The following TLN1 variants were observed in gnomAD, a reference collection of about 807,000 sequenced individuals.
The protein encoded by TLN1 is talin 1, also known as talin-1.
Under a neutral mutation model 292.3 loss-of-function variants are expected in TLN1, and 56 were observed. The observed-to-expected ratio is 0.19, with a 90% CI of 0.15 to 0.24. The LOEUF (loss-of-function observed/expected upper bound fraction) is 0.24. TLN1 is among the 10% of genes least tolerant of loss of function. The probability of loss-of-function intolerance (pLI) is 1.00; values close to 1 mark genes in which losing one functional copy is unlikely to be tolerated. For missense variants in TLN1, 2,433 were observed against 3,248.2 expected (o/e 0.75, Z 6.10); for synonymous variants, 1,119 against 1,253.7 (o/e 0.89, Z 2.27).
rs368148414 is a variant in TLN1 at position 35,719,278 on chromosome 9, G to A, written c.1692C>T (p.Asp564=). ...CTGCGGTATAGTCTGTCTCAGCAGGGTCCCCTAAGGGGAAAAGGAGAAAGA... is the reference window on the plus strand; with the variant it reads ...CTGCGGTATAGTCTGTCTCAGCAGGATCCCCTAAGGGGAAAAGGAGAAAGA... The part of the protein sequence containing the change: ...TASVVNLTAG[D]PAETDYTAVG... Residue 564 remains aspartate (D), a synonymous_variant, in exon 16 of 57, where the codon GAC becomes GAT. Coordinates refer to ENST00000314888, the MANE Select transcript of TLN1 (RefSeq NM_006289.4). The surrounding 1 kb of genome is among the most constrained non-coding windows in gnomAD (Gnocchi z 4.6). The A allele has an allele frequency of 8.1e-6, 13 of 1,612,490 alleles. No homozygotes were observed. The highest frequency in any genetic ancestry group is 1.1e-5 in the Non-Finnish European group (13 of 1,178,936).
rs375834194 is a variant in TLN1, at chr9:35,720,142, C to T, written c.1361G>A (p.Arg454His). The T allele has an allele frequency of 1.2e-5, 20 of 1,612,508 alleles. No individual in the cohort carries two copies. Among genetic ancestry groups the T allele is most frequent in the Non-Finnish European group, 1.5e-5 (18 of 1,179,410 alleles). ...ATTCTCAGGACCAGAGGCTCCAGAGCGCATGATGGCAGGCAGGGCCACAGA... is the reference window on the plus strand; with the variant it reads ...ATTCTCAGGACCAGAGGCTCCAGAGTGCATGATGGCAGGCAGGGCCACAGA... ...HGSVALPAIM[R>H]SGASGPENFQ... The change falls in exon 13 of 57, where the codon CGC becomes CAC. Residue 454 changes from arginine (R) to histidine (H), a missense_variant. Arg to His is a conservative substitution (Grantham distance 29). This residue lies in a region of TLN1 where 617 missense variants were observed against 770.6 expected (regional missense o/e 0.80). Transcript: ENST00000314888.
In TLN1 at chr9:35,722,160, G is replaced by A; in HGVS notation, c.907C>T (p.Arg303Cys). Residue 303 changes from arginine to cysteine, a missense_variant, in exon 9 of 57, where the codon CGT becomes TGT. By Grantham distance (180) the Arg-to-Cys change is radical. Coordinates refer to ENST00000314888, the MANE Select transcript of TLN1 (RefSeq NM_006289.4). Reference sequence around the variant, plus strand: ...GAGACACCGTAAGTCTTGAGAGAACGGGCTAGCTTCACGTAGCGGACCTTG... The same window carrying A: ...GAGACACCGTAAGTCTTGAGAGAACAGGCTAGCTTCACGTAGCGGACCTTG... The part of the protein sequence containing the change: ...EAKVRYVKLA[R>C]SLKTYGVSFF... The A allele has an allele frequency of 2.5e-6, 4 of 1,614,170 alleles. No homozygotes were observed. Among genetic ancestry groups the A allele is most frequent in the South Asian group, 1.1e-5 (1 of 91,082 alleles).
intron 10 of TLN1, among the ~76,000 whole-genome samples, chr9:35,721,271 G>A (rs1217064276): frequency 6.6e-6 from 1 of 152,208 alleles, no homozygotes; most frequent in Non-Finnish European, 1.5e-5. Context: ...ATTTGTATTT[G>A]TGTCATTAGG....
At chr9:35,703,362 A>T (rs568422422) in intron 48 of TLN1, among the ~76,000 whole-genome samples, 198 bp downstream of exon 48, 2 of 152,256 alleles carry the variant, frequency 1.3e-5, no homozygotes, top group Admixed American at 1.3e-4. Context: ...CCTGGGAGAA[A>T]TGACAAGAGG....
intron 7 of TLN1, chr9:35,723,322 C>G (rs572038041): frequency 4.9e-6 from 1 of 205,506 alleles, no homozygotes; most frequent in South Asian, 7.1e-5. Context: ...AGGCTGGTCT[C>G]GAACTCCCGA....
chr9:35,725,378 C>A (rs1825955330), intron 2 of TLN1, 57 bp from the exon 3 acceptor site: 3 of 1,579,368 alleles, frequency 1.9e-6, no homozygotes, highest in Non-Finnish European at 2.6e-6. Flanking sequence ...GGCTGAACAG[C>A]TTGTACCATG....
chr9:35,713,011 G>C lies in TLN1; in HGVS notation c.3385C>G (p.Arg1129Gly). Residue 1129 changes from arginine (R) to glycine (G), a missense_variant, in exon 27 of 57, where the codon CGG (arginine) becomes GGG (glycine). Coordinates refer to ENST00000314888, the MANE Select transcript of TLN1 (RefSeq NM_006289.4). Reference protein sequence around the residue: ...IAARDVAGGLRSLAQAARGVA... With the variant: ...IAARDVAGGLGSLAQAARGVA... ...CCCCTAGCGGCCTGGGCCAGTGACC[G>C]CAGCCCACCTGCCACATCCCGAGCT... 1 of 1,607,164 alleles carries C rather than the reference G, an allele frequency of 6.2e-7. No homozygotes were observed. The highest frequency in any genetic ancestry group is 8.5e-7 in the Non-Finnish European group (1 of 1,177,734).
At position 35,720,513 on chromosome 9, in the gene TLN1, T is replaced by C. The variant is rs372503941; in HGVS notation, c.1207-4A>G. On this transcript the variant is annotated splice_region_variant and splice_polypyrimidine_tract_variant and intron_variant, in intron 11 of 56. Coordinates refer to ENST00000314888, the MANE Select transcript of TLN1 (RefSeq NM_006289.4). ...CAAAGTGATCCTTGCTTTTTTTCTGTAGGAAGGAAAAAGGAACAAGAGTTG... is the reference window on the plus strand; with the variant it reads ...CAAAGTGATCCTTGCTTTTTTTCTGCAGGAAGGAAAAAGGAACAAGAGTTG... 1 of 1,613,108 alleles carries C rather than the reference T, an allele frequency of 6.2e-7. No individual in the cohort carries two copies. Among genetic ancestry groups the C allele is most frequent in the African/African-American group, 1.3e-5 (1 of 74,662 alleles).
Position 35,713,308 on chromosome 9 carries a change from A to C in TLN1, c.3250-10T>G, listed in dbSNP as rs1825710172. 9.5e-6 allele frequency: 15 copies of C among 1,577,966 alleles called. No individual in the cohort carries two copies. Among genetic ancestry groups the C allele is most frequent in the Non-Finnish European group, 1.2e-5 (14 of 1,152,350 alleles). ...GGGTACACTTCTCCATCTAAGGATG[A>C]AGGGGGAAGAATTGGGCTTGAGAAA... On this transcript the variant is annotated splice_polypyrimidine_tract_variant and intron_variant, in intron 25 of 56. Transcript: ENST00000314888.
chr9:35,711,206 C>T (rs765006486), intron 30 of TLN1, 49 bp downstream of exon 30: 2 of 1,611,744 alleles, frequency 1.2e-6, no homozygotes, highest in African/African-American at 1.3e-5. Context: ...TGCCTGCTCC[C>T]CAGTCTCTCT....
At position 35,712,752 on chromosome 9, in the gene TLN1, G is replaced by A. The variant is rs906736137; in HGVS notation, c.3561+83C>T. The A allele has an allele frequency of 1.7e-5, 22 of 1,268,992 alleles. No homozygotes were observed. The Admixed American group carries it at 4.7e-4, about 27-fold the overall frequency. 78.6% of individuals were successfully genotyped at this position (1,268,992 alleles called of 1,614,324 possible). On this transcript the variant is annotated intron_variant, in intron 27 of 56. Coordinates refer to ENST00000314888, the MANE Select transcript of TLN1 (RefSeq NM_006289.4). ...GACATCACTCTGTGAGTGTGGACGA[G>A]GCTCAGAAGCTTTGGCCTCAATCAG... is the stretch of plus-strand genomic sequence containing the variant.
chr9:35,700,973 G>A (rs1381373169), intron 48 of TLN1, among the ~76,000 whole-genome samples: 1 of 152,152 alleles, frequency 6.6e-6, no homozygotes, highest in Non-Finnish European at 1.5e-5. Flanking sequence ...TAAACAAGCA[G>A]CAAAACTGAG....
Position 35,698,886 on chromosome 9 carries a change from G to C in TLN1, c.7047C>G (p.Ala2349=). 1 of 1,614,122 alleles carries C rather than the reference G, an allele frequency of 6.2e-7. No individual in the cohort carries two copies. Among genetic ancestry groups the C allele is most frequent in the Non-Finnish European group, 8.5e-7 (1 of 1,180,010 alleles). ...CACTGGTGGCTGCTGCAATGGACTT[G>C]GCAGCTTCTAGTATCTGCTCCTCAA... ...LNFEEQILEA[A]KSIAAATSAL... The change falls in exon 53 of 57, where the codon GCC becomes GCG. Residue 2349 remains alanine, a synonymous_variant. Coordinates refer to ENST00000314888, the MANE Select transcript of TLN1 (RefSeq NM_006289.4). This position sits in a 1 kb window ranked among gnomAD's most constrained non-coding sequence, Gnocchi z 5.3.
At chr9:35,730,143 G>A (rs1338214185) in intron 1 of TLN1, among the ~76,000 whole-genome samples, 4 of 151,758 alleles carry the variant, frequency 2.6e-5, no homozygotes, top group African/African-American at 9.7e-5. Flanking sequence ...GGCCAGGTCA[G>A]GCTATAGGAG....
rs1203250395 is a variant in TLN1, at chr9:35,706,291, G to C, written c.5266C>G (p.Pro1756Ala). The C allele has an allele frequency of 6.2e-7, 1 of 1,613,826 alleles. No homozygotes were observed. Among genetic ancestry groups the C allele is most frequent in the Non-Finnish European group, 8.5e-7 (1 of 1,179,866 alleles). Residue 1756 changes from proline (P) to alanine (A), a missense_variant, in exon 40 of 57, where the codon CCG becomes GCG. By Grantham distance (27) the Pro-to-Ala change is conservative (BLOSUM62 -1). This residue lies in a region of TLN1 where 1,384 missense variants were observed against 1,699.6 expected (regional missense o/e 0.81). Transcript: ENST00000314888. This position sits in a 1 kb window ranked among gnomAD's most constrained non-coding sequence, Gnocchi z 4.2. ...TGGTCCAGGAGTGCCATCTGCTGCG[G>C]GTGGCTCAGGGTCTTGGAGGCAGCA... Reference protein sequence around the residue: ...VGAASKTLSHPQQMALLDQTK... With the variant: ...VGAASKTLSHAQQMALLDQTK...
chr9:35,707,532 A>C lies in TLN1; in HGVS notation c.4633-44T>G, dbSNP rs1040854523. 7 of 1,605,310 alleles carry C rather than the reference A, an allele frequency of 4.4e-6. No individual in the cohort carries two copies. The Admixed American group carries it at 8.4e-5, about 19-fold the overall frequency. ...CTCTCAGGACTTGGGATGCAGTCATAGGGGGTATAGGAAGTGAAGTCCAGG... is the reference window on the plus strand; with the variant it reads ...CTCTCAGGACTTGGGATGCAGTCATCGGGGGTATAGGAAGTGAAGTCCAGG... On this transcript the variant is annotated intron_variant, in intron 35 of 56. Transcript: ENST00000314888. This position sits in a 1 kb window ranked among gnomAD's most constrained non-coding sequence, Gnocchi z 5.6.
rs1324247712 is a variant in TLN1, at chr9:35,719,319, G to A, written c.1688-37C>T. 2.5e-6 allele frequency: 4 copies of A among 1,593,900 alleles called. No individual in the cohort carries two copies. The East Asian group carries it at 6.8e-5, about 27-fold the overall frequency. On this transcript the variant is annotated intron_variant, in intron 15 of 56. Transcript: ENST00000314888. The surrounding 1 kb of genome is among the most constrained non-coding windows in gnomAD (Gnocchi z 4.6). ...AGGAGAAAGAGGAACATGAGAGACA[G>A]GGCAGGCCAGACGAAGGGCTGGGGA... is the stretch of plus-strand genomic sequence containing the variant.
In TLN1 at chr9:35,699,654, T is replaced by C. The variant is rs1825429005; in HGVS notation, c.6769-193A>G. On this transcript the variant is annotated intron_variant, in intron 50 of 56. Coordinates refer to ENST00000314888, the MANE Select transcript of TLN1 (RefSeq NM_006289.4). The surrounding 1 kb of genome is among the most constrained non-coding windows in gnomAD (Gnocchi z 4.0). ...ACACGTGATAGAGACAGTGGGGCTGTGTCACTCACCGGCTGACAAGGAGCA... is the reference window on the plus strand; with the variant it reads ...ACACGTGATAGAGACAGTGGGGCTGCGTCACTCACCGGCTGACAAGGAGCA... 1 of 985,260 alleles carries C rather than the reference T, an allele frequency of 1.0e-6. No homozygotes were observed. Among genetic ancestry groups the C allele is most frequent in the Non-Finnish European group, 1.2e-6 (1 of 829,926 alleles). 61.0% of individuals were successfully genotyped at this position (985,260 alleles called of 1,614,324 possible).
At position 35,717,280 on chromosome 9, in the gene TLN1, G is replaced by C; in HGVS notation, c.2324C>G (p.Thr775Ser). 6.2e-7 allele frequency: 1 copy of C among 1,614,188 alleles called. No homozygotes were observed. The highest frequency in any genetic ancestry group is 1.1e-5 in the South Asian group (1 of 91,084). Residue 775 changes from threonine to serine, a missense_variant, in exon 19 of 57, where the codon ACC becomes AGC. Thr to Ser is a moderately conservative substitution (Grantham distance 58). Transcript: ENST00000314888. The surrounding 1 kb of genome is among the most constrained non-coding windows in gnomAD (Gnocchi z 4.7). ...RGVGAAATAV[T>S]QALNELLQHV... ...CTGCAGCAGCTCATTTAGGGCCTGG[G>C]TGACAGCTGTGGCTGCTGCTCCTAC...
Sources: allele counts gnomAD v4.1 joint callset (sites outside exome capture counted in the v4.1 genomes callset), GRCh38; gene constraint gnomAD v4.1.1; regional missense constraint gnomAD v4.1.1; non-coding constraint Gnocchi (gnomAD v3.1); transcripts MANE v1.5; gene names NCBI Gene and HGNC (gene_info 2026-07-23, HGNC 2026-07-21).